Variants in LRP1B observed in about 807,000 individuals in gnomAD.
LRP1B encodes the protein low-density lipoprotein receptor-related protein 1B.
Under a neutral mutation model 556.6 loss-of-function variants are expected in LRP1B, and 217 were observed. The observed-to-expected ratio is 0.39, with a 90% confidence interval of 0.35 to 0.44. The LOEUF (loss-of-function observed/expected upper bound fraction) is 0.44, where lower values mean the gene tolerates loss of function less well. Ranked by LOEUF, LRP1B falls within the 20% of genes least tolerant of loss-of-function variation. LRP1B has a pLI of 1.00. For synonymous variants in LRP1B, 2,047 were observed against 1,865.8 expected, an observed-to-expected ratio of 1.10 and a Z score of -2.50; for missense variants, 5,053 against 5,620.8, an observed-to-expected ratio of 0.90 and a Z score of 3.23.
At chr2:140,748,365 T>TAA (rs1559094023) in intron 35 of LRP1B, among the ~76,000 whole-genome samples, 14 of 104,630 alleles carry the variant, frequency 1.3e-4, no homozygotes, top group South Asian at 5.6e-4. Context: ...TAATATATAT[T>TAA]TATATATGTA....
At chr2:141,774,616 A>C (rs527608014) in intron 2 of LRP1B, among the ~76,000 whole-genome samples, 2 of 152,324 alleles carry the variant, frequency 1.3e-5, no homozygotes, top group Middle Eastern at 3.4e-3. Context: ...ATATATATTA[A>C]ACCACACATT....
intron 84 of LRP1B, among the ~76,000 whole-genome samples, chr2:140,288,381 CTT>C (rs1683245120): frequency 1.3e-5 from 2 of 151,730 alleles, no homozygotes; most frequent in Admixed American, 6.6e-5. Context: ...AATTTCTTCT[CTT>C]TAAAGCATTT....
intron 1 of LRP1B, among the ~76,000 whole-genome samples, chr2:141,993,856 A>G (rs902315447): frequency 1.3e-5 from 2 of 152,188 alleles, no homozygotes; most frequent in African/African-American, 4.8e-5. Context: ...ATTTTGAGAT[A>G]CAGAACGAAG....
intron 7 of LRP1B, among the ~76,000 whole-genome samples, chr2:141,100,546 C>G (rs7581054): frequency 0.36 from 55,101 of 152,002 alleles, 10,461 homozygotes; most frequent in East Asian, 0.66. Flanking sequence ...TACCCACTGG[C>G]AAGAACAGGG....
rs538382768 is a variant in LRP1B, at chr2:141,771,574, G to T, written c.205+38705C>A. Among the ~76,000 whole-genome samples, 279 of 152,200 alleles carry T rather than the reference G, an allele frequency of 1.8e-3. 1 individual carries two copies. The highest frequency in any genetic ancestry group is 6.6e-3 in the African/African-American group (276 of 41,514). On this transcript the variant is annotated intron_variant, in intron 2 of 90. Transcript: ENST00000389484. ...TAAACATTGTTTACTTTAGAAGGAG[G>T]TTGCATAATTCTAGGACCTTTTTTT...
intron 43 of LRP1B, among the ~76,000 whole-genome samples, chr2:140,554,697 A>T (rs1391325102): frequency 6.6e-6 from 1 of 152,094 alleles, no homozygotes; most frequent in Admixed American, 6.6e-5. Flanking sequence ...CAGTAATTGT[A>T]TCTTTTTATT....
intron 2 of LRP1B, among the ~76,000 whole-genome samples, chr2:141,800,585 C>T (rs991663987): frequency 6.6e-6 from 1 of 152,202 alleles, no homozygotes; most frequent in African/African-American, 2.4e-5. Flanking sequence ...TGACACTCTG[C>T]TCAGGGTTTT....
chr2:141,382,836 C>G (rs1689689381), intron 3 of LRP1B, among the ~76,000 whole-genome samples: 3 of 152,206 alleles, frequency 2.0e-5, no homozygotes, highest in African/African-American at 7.2e-5. Context: ...GATATGACAT[C>G]CACAGTATAA....
At chr2:140,319,026 A>G (rs1201510361) in intron 82 of LRP1B, among the ~76,000 whole-genome samples, 1 of 152,122 alleles carries the variant, frequency 6.6e-6, no homozygotes, top group Non-Finnish European at 1.5e-5. Flanking sequence ...TCCAAGCACA[A>G]CAAAGTTATT....
At chr2:141,487,113 A>G (rs949955960) in intron 2 of LRP1B, among the ~76,000 whole-genome samples, 3 of 152,096 alleles carry the variant, frequency 2.0e-5, no homozygotes, top group Admixed American at 2.0e-4. Flanking sequence ...TTTTTCATAA[A>G]ATCCCCTCCA....
chr2:140,294,916 C>T (rs748766685), intron 84 of LRP1B, among the ~76,000 whole-genome samples: 2 of 152,064 alleles, frequency 1.3e-5, no homozygotes, highest in African/African-American at 4.8e-5. Context: ...CTTGGTCTGT[C>T]GCCAGGCTGG....
chr2:141,842,107 T>C (rs992662314), intron 1 of LRP1B, among the ~76,000 whole-genome samples: 1 of 152,148 alleles, frequency 6.6e-6, no homozygotes, highest in Non-Finnish European at 1.5e-5. Context: ...TGGACGACTG[T>C]CATTTTTTGG....
intron 87 of LRP1B, among the ~76,000 whole-genome samples, chr2:140,242,865 T>C (rs986936235): frequency 1.3e-5 from 2 of 151,184 alleles, no homozygotes; most frequent in Non-Finnish European, 3.0e-5. Context: ...ATTGTACTAT[T>C]TTTTTCTTTT....
At chr2:141,973,793 C>A (rs1381623507) in intron 1 of LRP1B, among the ~76,000 whole-genome samples, 1 of 2,924 alleles carries the variant, frequency 3.4e-4, no homozygotes, top group Non-Finnish European at 2.0e-3. Context: ...TAAACAAAAT[C>A]ATAGATAATG....
chr2:140,476,264 T>C (rs982721844), intron 59 of LRP1B, among the ~76,000 whole-genome samples: 2 of 151,974 alleles, frequency 1.3e-5, no homozygotes, highest in African/African-American at 4.8e-5. Flanking sequence ...TTAAAGTTAT[T>C]TTCACATTCC....
At chr2:141,607,040 T>G (rs1472329058) in intron 2 of LRP1B, among the ~76,000 whole-genome samples, 1 of 152,064 alleles carries the variant, frequency 6.6e-6, no homozygotes, top group African/African-American at 2.4e-5. Flanking sequence ...TTTCAGTACC[T>G]TCTGTGTGGC....
At chr2:141,157,565 C>T (rs1359204971) in intron 7 of LRP1B, among the ~76,000 whole-genome samples, 1 of 151,934 alleles carries the variant, frequency 6.6e-6, no homozygotes, top group African/African-American at 2.4e-5. Context: ...ATTTAAATGA[C>T]ATAAACATGT....
intron 49 of LRP1B, among the ~76,000 whole-genome samples, chr2:140,517,914 C>T (rs1219762623): frequency 1.3e-5 from 2 of 151,732 alleles, no homozygotes; most frequent in Non-Finnish European, 2.9e-5. Context: ...TTTTACCATA[C>T]TGGTCAGGCT....
intron 18 of LRP1B, among the ~76,000 whole-genome samples, chr2:140,974,552 T>C (rs1696533695): frequency 6.6e-6 from 1 of 152,204 alleles, no homozygotes; most frequent in Non-Finnish European, 1.5e-5. Context: ...AACATGTATA[T>C]GTTTGTACTA....
Sources: gnomAD v4.1 joint callset for allele counts (sites outside exome capture counted in the v4.1 genomes callset) on GRCh38, gnomAD v4.1.1 for gene constraint, MANE v1.5 for transcripts, NCBI Gene and HGNC (gene_info 2026-07-23, HGNC 2026-07-21) for gene names.